SYDE2: variants seen among roughly 807,000 people sequenced by gnomAD.
SYDE2 encodes the protein synapse defective Rho GTPase homolog 2, also known as rho GTPase-activating protein SYDE2.
Under a neutral mutation model 91.5 loss-of-function variants are expected in SYDE2, and 76 were observed. The ratio of observed to expected loss-of-function variants is 0.83; its 90% CI spans 0.69 to 1.01. The LOEUF is 1.01. Among genes scored for constraint, SYDE2 ranks in the 50% least tolerant of loss-of-function variants. The pLI, the probability that SYDE2 is intolerant of heterozygous loss-of-function variation, is 0.00. For synonymous variants in SYDE2, 513 were observed against 506.4 expected (o/e 1.01, Z -0.18); for missense variants, 1,364 against 1,367.7 (o/e 1.00, Z 0.04).
intron 2 of SYDE2, among the ~76,000 whole-genome samples, chr1:85,183,795 A>G (rs187719352): frequency 1.3e-5 from 2 of 152,270 alleles, no homozygotes; most frequent in East Asian, 3.9e-4. Flanking sequence ...CAGTCTATAA[A>G]CATCAATCTG....
intron 2 of SYDE2, among the ~76,000 whole-genome samples, chr1:85,184,706 A>G (rs1004727913): frequency 6.6e-6 from 1 of 152,058 alleles, no homozygotes; most frequent in Admixed American, 6.6e-5. Flanking sequence ...TCTACAAAAG[A>G]TACAAAAAAA....
chr1:85,175,003 G>A (rs928044485), intron 4 of SYDE2, among the ~76,000 whole-genome samples: 2 of 152,070 alleles, frequency 1.3e-5, no homozygotes, highest in Non-Finnish European at 2.9e-5. Flanking sequence ...AAATGACTAT[G>A]GTAGGATTAA....
At position 85,182,593 on chromosome 1, in the gene SYDE2, A is replaced by G. The variant is rs1192889120; in HGVS notation, c.2049T>C (p.Ser683=). 29 of 1,613,756 alleles carry G rather than the reference A, an allele frequency of 1.8e-5. No homozygotes were observed. The highest frequency in any genetic ancestry group is 2.3e-5 in the Non-Finnish European group (27 of 1,179,868). The change falls in exon 3 of 7, where the codon AGT becomes AGC. Residue 683 remains serine (S), a synonymous_variant. Transcript: ENST00000341460. ...AATCCTCAGCACCATAGAAATGTAC[A>G]CTCATGAGCCCAGATATGTACTGTG... ...KCSQYISGLM[S]VHFYGAEDLK...
At chr1:85,183,240 G>A (rs1183860465) in intron 2 of SYDE2, 40 bp from the exon 3 acceptor site, 25 of 1,477,568 alleles carry the variant, frequency 1.7e-5, no homozygotes, top group Non-Finnish European at 2.2e-5. Context: ...AAAGCAATAT[G>A]TTTTGATTTC....
At chr1:85,163,469 AT>A in intron 6 of SYDE2, among the ~76,000 whole-genome samples, 1 of 137,796 alleles carries the variant, frequency 7.3e-6, no homozygotes, top group African/African-American at 2.9e-5. Context: ...ATATATATAT[AT>A]ATATATATAT....
At chr1:85,168,268 G>A (rs1657368915) in intron 5 of SYDE2, among the ~76,000 whole-genome samples, 1 of 151,762 alleles carries the variant, frequency 6.6e-6, no homozygotes, top group African/African-American at 2.4e-5. Context: ...TAATCCAACT[G>A]GACAGAGCAC....
intron 1 of SYDE2, 71 bp downstream of exon 1, chr1:85,200,181 C>T: frequency 2.5e-6 from 4 of 1,605,424 alleles, no homozygotes; most frequent in Admixed American, 1.7e-5. Context: ...TTTCTTGGCT[C>T]TTAAGACAGA....
In SYDE2 at chr1:85,200,637, C is replaced by CG. The variant is rs1184056301; in HGVS notation, c.359dup (p.Pro121AlafsTer113). On this transcript the variant is annotated frameshift_variant, in exon 1 of 7. Transcript: ENST00000341460. LOFTEE classifies it high-confidence loss of function. ...AGCCGTCCATCCTGCCTCCACGTGG[C>CG]GGGGGCTCGTCCCAGTCCCGGTGCG... 1.9e-6 allele frequency: 3 copies of CG among 1,544,462 alleles called. No homozygotes were observed. Among genetic ancestry groups the CG allele is most frequent in the East Asian group, 2.4e-5 (1 of 41,156 alleles).
At position 85,201,014 on chromosome 1, in the gene SYDE2, A is replaced by T. The variant is rs1020356365; in HGVS notation, c.-18T>A. 6 of 1,267,890 alleles carry T rather than the reference A, an allele frequency of 4.7e-6. No individual in the cohort carries two copies. Among genetic ancestry groups the T allele is most frequent in the African/African-American group, 3.1e-5 (2 of 65,104 alleles). 78.5% of individuals were successfully genotyped at this position (1,267,890 alleles called of 1,614,324 possible). A position where few individuals can be genotyped will look rare whatever the true frequency, so the allele number is the denominator to read the frequency against. ...TCGTGCATGGCCTGGATCAGCAGAT[A>T]ATAGGCCTCTCGCAACTGGGTCCGC... On this transcript the variant is annotated 5_prime_UTR_variant, in exon 1 of 7. Coordinates refer to ENST00000341460, the MANE Select transcript of SYDE2 (RefSeq NM_032184.2).
In SYDE2 at chr1:85,182,960, AAAG is replaced by A. The variant is rs1657993452; in HGVS notation, c.1679_1681del (p.Ser560del). The A allele has an allele frequency of 1.2e-6, 2 of 1,613,832 alleles. No individual in the cohort carries two copies. The highest frequency in any genetic ancestry group is 1.7e-6 in the Non-Finnish European group (2 of 1,179,796). ...AACTTCTCGGCAGTTATATTTAGAC[AAAG>A]AAGGAGTATTATCTGGACTGTTTAT... is the stretch of plus-strand genomic sequence containing the variant. On this transcript the variant is annotated inframe_deletion, in exon 3 of 7. Coordinates refer to ENST00000341460, the MANE Select transcript of SYDE2 (RefSeq NM_032184.2).
chr1:85,167,815 C>A (rs918911886), intron 5 of SYDE2, among the ~76,000 whole-genome samples: 1 of 152,256 alleles, frequency 6.6e-6, no homozygotes, highest in Non-Finnish European at 1.5e-5. Flanking sequence ...ATAAGTGGCA[C>A]TTATAATTTT....
chr1:85,178,818 G>T (rs1045094618), intron 3 of SYDE2, among the ~76,000 whole-genome samples: 1 of 151,472 alleles, frequency 6.6e-6, no homozygotes, highest in Admixed American at 6.6e-5. Context: ...CAAACCTAGG[G>T]TGTTTTTTTT....
chr1:85,170,497 G>C (rs1410395033), intron 4 of SYDE2, among the ~76,000 whole-genome samples: 1 of 152,138 alleles, frequency 6.6e-6, no homozygotes, highest in Non-Finnish European at 1.5e-5. Flanking sequence ...TGAGAGTTGA[G>C]TATCCTTAGT....
At chr1:85,153,910 A>G (rs867876111), downstream of SYDE2, 28 of 152,158 alleles carry the variant, frequency 1.8e-4, no homozygotes, top group African/African-American at 6.5e-4. Context: ...AATATAAAAG[A>G]CTTTCAGCAC....
downstream of SYDE2, among the ~76,000 whole-genome samples, chr1:85,156,403 A>G (rs1456342143): frequency 6.6e-6 from 1 of 151,954 alleles, no homozygotes; most frequent in Non-Finnish European, 1.5e-5. Flanking sequence ...AAAAGAAAAG[A>G]AAAAGAAAAA....
At chr1:85,199,460 T>C (rs1412862741) in intron 1 of SYDE2, among the ~76,000 whole-genome samples, 1 of 152,222 alleles carries the variant, frequency 6.6e-6, no homozygotes, top group Non-Finnish European at 1.5e-5. Context: ...AATCCTATTA[T>C]AAGGATCAAT....
intron 6 of SYDE2, among the ~76,000 whole-genome samples, chr1:85,162,152 AT>A (rs1450389752): frequency 1.3e-5 from 2 of 152,264 alleles, no homozygotes; most frequent in Non-Finnish European, 2.9e-5. Context: ...TTGCCCAAAA[AT>A]AAAAAACAAA....
chr1:85,200,110 G>A (rs1326029198), intron 1 of SYDE2, 142 bp downstream of exon 1: 2 of 1,492,026 alleles, frequency 1.3e-6, no homozygotes, highest in African/African-American at 1.4e-5. Flanking sequence ...ATTACTTTAA[G>A]CTGCCACTTA....
chr1:85,199,283 T>C (rs911258043), intron 1 of SYDE2, among the ~76,000 whole-genome samples: 2 of 152,190 alleles, frequency 1.3e-5, no homozygotes, highest in African/African-American at 4.8e-5. Flanking sequence ...AATTTTTATA[T>C]GTAAGAGTAT....
Sources: gnomAD v4.1 joint callset for allele counts (sites outside exome capture counted in the v4.1 genomes callset) on GRCh38, gnomAD v4.1.1 for gene constraint, MANE v1.5 for transcripts, NCBI Gene and HGNC (gene_info 2026-07-23, HGNC 2026-07-21) for gene names.